RAVER1: variants seen among roughly 807,000 people sequenced by gnomAD.
The protein encoded by RAVER1 is ribonucleoprotein, PTB binding 1, also known as ribonucleoprotein PTB-binding 1.
RAVER1 carries 36 observed loss-of-function variants against 68.4 expected under a neutral mutation model. That is an observed-to-expected ratio of 0.53 (90% CI 0.40 to 0.70). The LOEUF (loss-of-function observed/expected upper bound fraction) is 0.70, where lower values mean the gene tolerates loss of function less well. RAVER1 is among the 30% of genes least tolerant of loss of function. The probability of loss-of-function intolerance (pLI) is 0.00; values close to 1 mark genes in which losing one functional copy is unlikely to be tolerated. For missense variants in RAVER1, 933 were observed against 1,019.8 expected (o/e 0.91, Z 1.16); for synonymous variants, 469 against 472.7 (o/e 0.99, Z 0.10).
In RAVER1 at chr19:10,322,577, G is replaced by C; in HGVS notation, c.1173+68C>G. On this transcript the variant is annotated intron_variant, in intron 6 of 12. Coordinates refer to ENST00000617231, the MANE Select transcript of RAVER1 (RefSeq NM_133452.3). This position sits in a 1 kb window ranked among gnomAD's most constrained non-coding sequence, Gnocchi z 4.3. ...CAGAGGTCCCCCCACCCCACCGATC[G>C]CACCAGCTGTGTTGAAAAGAGCCTG... 2.6e-6 allele frequency: 3 copies of C among 1,153,502 alleles called. No homozygotes were observed. The Middle Eastern group carries it at 6.0e-4, about 231-fold the overall frequency. 71.5% of individuals were successfully genotyped at this position (1,153,502 alleles called of 1,614,324 possible). A position where few individuals can be genotyped will look rare whatever the true frequency, so the allele number is the denominator to read the frequency against.
chr19:10,319,038 C>G (rs1387153803), intron 10 of RAVER1, 128 bp downstream of exon 10: 1 of 821,310 alleles, frequency 1.2e-6, no homozygotes, highest in African/African-American at 1.7e-5. Context: ...CAGTGAGATC[C>G]TGTCTTAAAA....
At position 10,332,101 on chromosome 19, in the gene RAVER1, C is replaced by T. The variant is rs569833237; in HGVS notation, c.219+1188G>A. Among the ~76,000 whole-genome samples the T allele has an allele frequency of 7.2e-5, 11 of 152,256 alleles. No homozygotes were observed. The South Asian group carries it at 2.3e-3, about 32-fold the overall frequency. On this transcript the variant is annotated intron_variant, in intron 1 of 12. Transcript: ENST00000617231. ...CCTCAACCTCCTAGGCTCAAGTGATCCTCCCACCTCAGCCTCCTGCGTAGC... is the reference window on the plus strand; with the variant it reads ...CCTCAACCTCCTAGGCTCAAGTGATTCTCCCACCTCAGCCTCCTGCGTAGC...
chr19:10,320,146 C>T (rs1005499910), intron 9 of RAVER1, among the ~76,000 whole-genome samples: 1 of 151,934 alleles, frequency 6.6e-6, no homozygotes, highest in Non-Finnish European at 1.5e-5. Flanking sequence ...CTCCAGGGCT[C>T]GAGAATGGAC....
Position 10,324,673 on chromosome 19 carries a change from C to T in RAVER1, c.757-1107G>A, listed in dbSNP as rs183695587. Among the ~76,000 whole-genome samples the T allele has an allele frequency of 3.6e-3, 548 of 152,206 alleles. 3 individuals carry two copies. Among genetic ancestry groups the T allele is most frequent in the Admixed American group, 0.012 (181 of 15,280 alleles). ...GATTACAGGCGTGAGCCACTGTGCC[C>T]GGCCATAAACACACCCATCTTAGGG... is the stretch of plus-strand genomic sequence containing the variant. On this transcript the variant is annotated intron_variant, in intron 3 of 12. Coordinates refer to ENST00000617231, the MANE Select transcript of RAVER1 (RefSeq NM_133452.3).
chr19:10,319,658 C>T (rs963097291), intron 9 of RAVER1, among the ~76,000 whole-genome samples: 1 of 151,792 alleles, frequency 6.6e-6, no homozygotes, highest in Non-Finnish European at 1.5e-5. Flanking sequence ...TCTTGGCTCA[C>T]CACAACCTCC....
rs771609191 is a variant in RAVER1 at position 10,321,075 on chromosome 19, G to A, written c.1446C>T (p.Asp482=). ...CAGGGGGCGTCGGCAGAGGCCCACT[G>A]TCTTTCTGGAGGCCTCTGAGGCCAG... The part of the protein sequence containing the change: ...RGSGLRGLQK[D]SGPLPTPPGV... The change falls in exon 8 of 13, where the codon GAC becomes GAT. Residue 482 remains aspartate, a synonymous_variant. Coordinates refer to ENST00000617231, the MANE Select transcript of RAVER1 (RefSeq NM_133452.3). 5.5e-5 allele frequency: 75 copies of A among 1,363,916 alleles called. No homozygotes were observed. Among genetic ancestry groups the A allele is most frequent in the Non-Finnish European group, 6.9e-5 (73 of 1,060,412 alleles). 84.5% of individuals were successfully genotyped at this position (1,363,916 alleles called of 1,614,324 possible).
At position 10,328,560 on chromosome 19, in the gene RAVER1, A is replaced by G. The variant is rs2040490714; in HGVS notation, c.756+82T>C. 1.0e-6 allele frequency: 1 copy of G among 963,814 alleles called. No individual in the cohort carries two copies. The highest frequency in any genetic ancestry group is 1.5e-6 in the Non-Finnish European group (1 of 660,918). 59.7% of individuals were successfully genotyped at this position (963,814 alleles called of 1,614,324 possible). On this transcript the variant is annotated intron_variant, in intron 3 of 12. Coordinates refer to ENST00000617231, the MANE Select transcript of RAVER1 (RefSeq NM_133452.3). This position sits in a 1 kb window ranked among gnomAD's most constrained non-coding sequence, Gnocchi z 4.4. ...AAGTGAGACTGTCTCAAAAAAAAAA[A>G]AGAAAAGGCAGATGACTCCAAAGAC...
chr19:10,329,715 G>A lies in RAVER1; in HGVS notation c.287-604C>T, dbSNP rs2040500179. On this transcript the variant is annotated intron_variant, in intron 2 of 12. Coordinates refer to ENST00000617231, the MANE Select transcript of RAVER1 (RefSeq NM_133452.3). The surrounding 1 kb of genome is among the most constrained non-coding windows in gnomAD (Gnocchi z 4.6). ...CTGCCCCAGATTTGCGATCCACCCA[G>A]CGGCCGCAGGAAGCTTTGTTCAAAA... Among the ~76,000 whole-genome samples, 1 of 152,134 alleles carries A rather than the reference G, an allele frequency of 6.6e-6. No homozygotes were observed. Among genetic ancestry groups the A allele is most frequent in the Admixed American group, 6.6e-5 (1 of 15,266 alleles).
At position 10,333,181 on chromosome 19, in the gene RAVER1, C is replaced by T. The variant is rs1328651607; in HGVS notation, c.219+108G>A. 7.9e-6 allele frequency: 9 copies of T among 1,140,074 alleles called. No homozygotes were observed. The East Asian group carries it at 2.3e-4, about 30-fold the overall frequency. 70.6% of individuals were successfully genotyped at this position (1,140,074 alleles called of 1,614,324 possible). A position where few individuals can be genotyped will look rare whatever the true frequency, so the allele number is the denominator to read the frequency against. On this transcript the variant is annotated intron_variant, in intron 1 of 12. Coordinates refer to ENST00000617231, the MANE Select transcript of RAVER1 (RefSeq NM_133452.3). The surrounding 1 kb of genome is among the most constrained non-coding windows in gnomAD (Gnocchi z 4.2). ...CCCGCGTGGATCCGGTGCTTGGGCG[C>T]CCCCGCCAACGACCCCCGCGCACCT... is the stretch of plus-strand genomic sequence containing the variant.
At chr19:10,319,348 G>T in intron 9 of RAVER1, 108 bp from the exon 10 acceptor site, 1 of 1,174,444 alleles carries the variant, frequency 8.5e-7, no homozygotes, top group South Asian at 1.4e-5. Context: ...CCACCACTCT[G>T]GGACCAGGAA....
intron 10 of RAVER1, 47 bp downstream of exon 10, chr19:10,319,119 T>C (rs538559553): frequency 2.6e-6 from 4 of 1,551,614 alleles, no homozygotes; most frequent in East Asian, 4.5e-5. Flanking sequence ...CAGCCTGTCA[T>C]GTAGTAAAAG....
In RAVER1 at chr19:10,328,690, G is replaced by A. The variant is rs753672995; in HGVS notation, c.708C>T (p.Asp236=). The A allele has an allele frequency of 3.4e-5, 55 of 1,599,996 alleles. No homozygotes were observed. The highest frequency in any genetic ancestry group is 3.7e-5 in the Non-Finnish European group (44 of 1,174,074). Residue 236 remains aspartate, a synonymous_variant, in exon 3 of 13, where the codon GAC becomes GAT. Coordinates refer to ENST00000617231, the MANE Select transcript of RAVER1 (RefSeq NM_133452.3). This position sits in a 1 kb window ranked among gnomAD's most constrained non-coding sequence, Gnocchi z 4.4. ...CAGCTGACAGCGCCCGGCACAGAGC[G>A]TCCACATCGTTGAAGCCAGGTGGCA... ...DRLPPGFNDV[D]ALCRALSAVH...
At position 10,317,607 on chromosome 19, in the gene RAVER1, A is replaced by G. The variant is rs1178404939; in HGVS notation, c.2074-7T>C. ...TCTGGCCGCCCAGTGGGGTCTGGAG[A>G]CAGAGGGCAGGGCGGGGCGGGTCAG... is the stretch of plus-strand genomic sequence containing the variant. On this transcript the variant is annotated splice_region_variant and splice_polypyrimidine_tract_variant and intron_variant, in intron 12 of 12. Transcript: ENST00000617231. This position sits in a 1 kb window ranked among gnomAD's most constrained non-coding sequence, Gnocchi z 4.3. The G allele has an allele frequency of 6.2e-7, 1 of 1,601,412 alleles. No individual in the cohort carries two copies. The highest frequency in any genetic ancestry group is 8.5e-7 in the Non-Finnish European group (1 of 1,173,288).
At position 10,317,966 on chromosome 19, in the gene RAVER1, C is replaced by A. The variant is rs980908065; in HGVS notation, c.1990-193G>T. 6.6e-6 allele frequency among the ~76,000 whole-genome samples: 1 copy of A among 152,202 alleles called. No individual in the cohort carries two copies. Among genetic ancestry groups the A allele is most frequent in the Non-Finnish European group, 1.5e-5 (1 of 68,030 alleles). ...TTTATTTGAGCCTCGGTTTTCTCAT[C>A]TGTCAGATGGGGCCAGTAGCACCCA... On this transcript the variant is annotated intron_variant, in intron 11 of 12. Coordinates refer to ENST00000617231, the MANE Select transcript of RAVER1 (RefSeq NM_133452.3). This position sits in a 1 kb window ranked among gnomAD's most constrained non-coding sequence, Gnocchi z 4.3.
At position 10,320,701 on chromosome 19, in the gene RAVER1, G is replaced by T; in HGVS notation, c.1724C>A (p.Pro575His). The T allele has an allele frequency of 6.5e-7, 1 of 1,546,196 alleles. No homozygotes were observed. Among genetic ancestry groups the T allele is most frequent in the Non-Finnish European group, 8.7e-7 (1 of 1,153,246 alleles). Reference protein sequence around the residue: ...LLSPLSSARLPPEPGLSDSYS... With the variant: ...LLSPLSSARLHPEPGLSDSYS... ...GCTGTCAGACAGTCCTGGTTCGGGG[G>T]GCAGGCGGGCGCTGCTGAGGGGGCT... Residue 575 changes from proline (P) to histidine (H), a missense_variant, in exon 9 of 13, where the codon CCC (proline) becomes CAC (histidine). Transcript: ENST00000617231.
chr19:10,320,236 G>A (rs958525787), intron 9 of RAVER1, among the ~76,000 whole-genome samples: 15 of 151,966 alleles, frequency 9.9e-5, no homozygotes, highest in Non-Finnish European at 2.1e-4. Flanking sequence ...GGGCGCGGTG[G>A]CTCTTGCCTG....
chr19:10,332,902 T>G (rs3181048), intron 1 of RAVER1, among the ~76,000 whole-genome samples: 2 of 151,982 alleles, frequency 1.3e-5, no homozygotes, highest in South Asian at 4.1e-4. Flanking sequence ...GGATGTGAGG[T>G]CCCGCCACCC....
chr19:10,327,560 C>T (rs1247438731), intron 3 of RAVER1, among the ~76,000 whole-genome samples: 1 of 152,084 alleles, frequency 6.6e-6, no homozygotes, highest in Non-Finnish European at 1.5e-5. Flanking sequence ...GCCAGGCCTA[C>T]CCCTTTTAAG....
rs1328651607 is a variant in RAVER1 at position 10,333,181 on chromosome 19, C to A, written c.219+108G>T. ...CCCGCGTGGATCCGGTGCTTGGGCG[C>A]CCCCGCCAACGACCCCCGCGCACCT... On this transcript the variant is annotated intron_variant, in intron 1 of 12. Transcript: ENST00000617231. This position sits in a 1 kb window ranked among gnomAD's most constrained non-coding sequence, Gnocchi z 4.2. 8.8e-7 allele frequency: 1 copy of A among 1,140,074 alleles called. No homozygotes were observed. The highest frequency in any genetic ancestry group is 1.2e-6 in the Non-Finnish European group (1 of 816,960). The allele number at this position is 1,140,074 out of a possible 1,614,324, so 70.6% of individuals were successfully genotyped here.
Sources: gnomAD v4.1 joint callset for allele counts (sites outside exome capture counted in the v4.1 genomes callset) on GRCh38, gnomAD v4.1.1 for gene constraint, Gnocchi (gnomAD v3.1) non-coding constraint, MANE v1.5 for transcripts, NCBI Gene and HGNC (gene_info 2026-07-23, HGNC 2026-07-21) for gene names.